Variants in DDX4 observed in about 807,000 individuals in gnomAD.
The protein encoded by DDX4 is DEAD-box helicase 4.
DDX4 carries 25 observed loss-of-function variants against 100.0 expected under a neutral mutation model. That is an observed-to-expected ratio of 0.25 (90% CI 0.18 to 0.35). The LOEUF is 0.35. Ranked by LOEUF, DDX4 falls within the 10% of genes least tolerant of loss-of-function variation. The probability of loss-of-function intolerance (pLI) is 1.00; values close to 1 mark genes in which losing one functional copy is unlikely to be tolerated. For missense variants in DDX4, 635 were observed against 882.4 expected (o/e 0.72, Z 3.55); for synonymous variants, 259 against 275.7 (o/e 0.94, Z 0.60).
chr5:55,752,722 T>C (rs1200820527), intron 3 of DDX4, among the ~76,000 whole-genome samples: 1 of 144,528 alleles, frequency 6.9e-6, no homozygotes, highest in Non-Finnish European at 1.5e-5. Context: ...CTGGGTCAAA[T>C]GGTATTTCCA....
intron 6 of DDX4, among the ~76,000 whole-genome samples, chr5:55,766,616 G>A (rs1315103145): frequency 6.6e-6 from 1 of 152,140 alleles, no homozygotes; most frequent in Non-Finnish European, 1.5e-5. Context: ...AGCTGCAGCT[G>A]AAATAGGAGA....
chr5:55,795,350 A>T (rs1451516571), intron 17 of DDX4, among the ~76,000 whole-genome samples: 11 of 152,228 alleles, frequency 7.2e-5, no homozygotes, highest in Middle Eastern at 3.4e-3. Flanking sequence ...ATAGAACGTA[A>T]TTTTTCTTCA....
Position 55,766,792 on chromosome 5 carries a change from C to G in DDX4, c.335-1089C>G, listed in dbSNP as rs186381998. 2.5e-4 allele frequency: 245 copies of G among 963,228 alleles called. No homozygotes were observed. In the African/African-American group the frequency reaches 3.7e-3, roughly 14 times the overall value. The allele number at this position is 963,228 out of a possible 1,614,324, so 59.7% of individuals were successfully genotyped here. On this transcript the variant is annotated intron_variant, in intron 6 of 21. Coordinates refer to ENST00000505374, the MANE Select transcript of DDX4 (RefSeq NM_024415.3). ...AGATATTAAATATTAATGATATGTA[C>G]AAAGATCCCTTGAAACCATCTTTGT...
intron 2 of DDX4, among the ~76,000 whole-genome samples, chr5:55,745,845 C>G (rs1759220297): frequency 6.6e-6 from 1 of 152,196 alleles, no homozygotes; most frequent in Non-Finnish European, 1.5e-5. Flanking sequence ...TAGGCCTTAC[C>G]TGTCTGTCAC....
At chr5:55,777,956 A>G (rs1039510542) in intron 7 of DDX4, among the ~76,000 whole-genome samples, 4 of 152,224 alleles carry the variant, frequency 2.6e-5, no homozygotes, top group African/African-American at 9.6e-5. Context: ...ACAGCAGAAC[A>G]GAGATTAATA....
intron 7 of DDX4, among the ~76,000 whole-genome samples, chr5:55,768,948 G>T (rs979174209): frequency 5.3e-5 from 8 of 152,038 alleles, no homozygotes; most frequent in African/African-American, 1.9e-4. Flanking sequence ...CATGTCCATT[G>T]TCCACTTTTT....
At chr5:55,787,324 G>A (rs1390259341) in intron 14 of DDX4, among the ~76,000 whole-genome samples, 1 of 152,190 alleles carries the variant, frequency 6.6e-6, no homozygotes, top group Admixed American at 6.5e-5. Flanking sequence ...ATTTTAGCAA[G>A]TGTCTTATTT....
In DDX4 at chr5:55,748,784, G is replaced by T. The variant is rs1759382400; in HGVS notation, c.127+2563G>T. Among the ~76,000 whole-genome samples, 3 of 152,054 alleles carry T rather than the reference G, an allele frequency of 2.0e-5. No homozygotes were observed. In the South Asian group the frequency reaches 6.2e-4, roughly 31 times the overall value. On this transcript the variant is annotated intron_variant, in intron 3 of 21. Coordinates refer to ENST00000505374, the MANE Select transcript of DDX4 (RefSeq NM_024415.3). ...TATGAAATCTTAGCCCCTAAATTTA[G>T]CTACCATTGATGTCTATTGACTCTG...
In DDX4 at chr5:55,745,782, G is replaced by T. The variant is rs1311866796; in HGVS notation, c.70-382G>T. On this transcript the variant is annotated intron_variant, in intron 2 of 21. Transcript: ENST00000505374. The stretch of plus-strand genomic sequence containing the variant: ...TGACTAAACTTTTACTTTAAGTCAG[G>T]TGTCAGCAAACCCTTTCTATAAAGG... 2.0e-5 allele frequency among the ~76,000 whole-genome samples: 3 copies of T among 152,080 alleles called. No individual in the cohort carries two copies. In the East Asian group the frequency reaches 5.8e-4, roughly 29 times the overall value.
chr5:55,796,658 G>A (rs559094427), intron 17 of DDX4, among the ~76,000 whole-genome samples: 11 of 151,988 alleles, frequency 7.2e-5, no homozygotes, highest in Admixed American at 6.6e-4. Flanking sequence ...ATTTCCTCTT[G>A]GCTGAGAAAG....
chr5:55,745,727 T>A (rs537900996), intron 2 of DDX4, among the ~76,000 whole-genome samples: 1 of 152,300 alleles, frequency 6.6e-6, no homozygotes, highest in South Asian at 2.1e-4. Context: ...CCAGCCTGAT[T>A]GTACTTTTCA....
chr5:55,814,010 G>C (rs1270635916), intron 19 of DDX4, among the ~76,000 whole-genome samples: 1 of 152,030 alleles, frequency 6.6e-6, no homozygotes, highest in Non-Finnish European at 1.5e-5. Flanking sequence ...GTAAGATAAA[G>C]GTCTGCCTTA....
At chr5:55,780,889 G>A (rs1741872225) in intron 8 of DDX4, among the ~76,000 whole-genome samples, 177 bp from the exon 9 acceptor site, 1 of 152,168 alleles carries the variant, frequency 6.6e-6, no homozygotes, top group South Asian at 2.1e-4. Flanking sequence ...TGGTTTAATA[G>A]AATAGTTTAA....
intron 13 of DDX4, among the ~76,000 whole-genome samples, chr5:55,786,159 GA>G (rs1742232947): frequency 6.6e-6 from 1 of 152,152 alleles, no homozygotes; most frequent in Non-Finnish European, 1.5e-5. Flanking sequence ...AAGATTGTGA[GA>G]AAGTGTGTCT....
At chr5:55,763,099 C>T in intron 4 of DDX4, 76 bp from the exon 5 acceptor site, 1 of 976,048 alleles carries the variant, frequency 1.0e-6, no homozygotes, top group Non-Finnish European at 1.6e-6. Flanking sequence ...GCCAGAAATT[C>T]ATTTAATTCT....
At position 55,786,494 on chromosome 5, in the gene DDX4, C is replaced by T. The variant is rs199606403; in HGVS notation, c.865-24C>T. On this transcript the variant is annotated intron_variant, in intron 13 of 21. Transcript: ENST00000505374. ...CTGCATATGATATATAGAATGTAAT[C>T]ACTGCTTTTTTTTAAATTTTCAGAC... is the stretch of plus-strand genomic sequence containing the variant. 1.8e-4 allele frequency: 292 copies of T among 1,582,832 alleles called. 1 individual carries two copies. In the African/African-American group the frequency reaches 3.5e-3, roughly 19 times the overall value.
intron 7 of DDX4, among the ~76,000 whole-genome samples, chr5:55,773,693 C>T (rs1337045438): frequency 2.0e-5 from 3 of 152,046 alleles, no homozygotes; most frequent in East Asian, 1.9e-4. Flanking sequence ...GTCACAATTT[C>T]GGCTCACTGC....
In DDX4 at chr5:55,755,070, A is replaced by G. The variant is rs116213800; in HGVS notation, c.128-5130A>G. Reference sequence around the variant, plus strand: ...GGGATCCAATTTTATTTCTGTCCCTATAACAACCTAGTTTTTTCCAGCACC... The same window carrying G: ...GGGATCCAATTTTATTTCTGTCCCTGTAACAACCTAGTTTTTTCCAGCACC... On this transcript the variant is annotated intron_variant, in intron 3 of 21. Transcript: ENST00000505374. Among the ~76,000 whole-genome samples the G allele has an allele frequency of 1.2e-3, 188 of 152,136 alleles. 1 individual carries two copies. The highest frequency in any genetic ancestry group is 1.1e-3 in the Non-Finnish European group (72 of 67,972).
intron 18 of DDX4, among the ~76,000 whole-genome samples, chr5:55,802,865 C>T (rs571272419): frequency 1.3e-5 from 2 of 152,078 alleles, no homozygotes; most frequent in African/African-American, 4.8e-5. Context: ...TTTTCTATGA[C>T]ATGCAAAATA....
Sources: gnomAD v4.1 joint callset for allele counts (sites outside exome capture counted in the v4.1 genomes callset) on GRCh38, gnomAD v4.1.1 for gene constraint, MANE v1.5 for transcripts, NCBI Gene and HGNC (gene_info 2026-07-23, HGNC 2026-07-21) for gene names.